The following OSBPL10 variants were observed in gnomAD, a reference collection of about 807,000 sequenced individuals.
OSBPL10 encodes oxysterol-binding protein-related protein 10.
Under a neutral mutation model 81.7 loss-of-function variants are expected in OSBPL10, and 49 were observed. The ratio of observed to expected loss-of-function variants is 0.60; its 90% CI spans 0.48 to 0.76. The LOEUF (loss-of-function observed/expected upper bound fraction) is 0.76. Ranked by LOEUF, OSBPL10 falls within the 30% of genes least tolerant of loss-of-function variation. The pLI is 0.00. For synonymous variants in OSBPL10, 419 were observed against 383.6 expected, an observed-to-expected ratio of 1.09 and a Z score of -1.08; for missense variants, 923 against 987.8, an observed-to-expected ratio of 0.93 and a Z score of 0.88.
intron 1 of OSBPL10, among the ~76,000 whole-genome samples, chr3:31,893,893 T>TA (rs1332995502): frequency 2.0e-5 from 3 of 152,194 alleles, no homozygotes; most frequent in East Asian, 1.9e-4. Context: ...TTTATTTTTT[T>TA]AAAAAAATGT....
chr3:31,737,001 T>C (rs567395718), intron 5 of OSBPL10, among the ~76,000 whole-genome samples: 8 of 152,210 alleles, frequency 5.3e-5, no homozygotes, highest in Non-Finnish European at 1.2e-4. Context: ...CCCTCCCCTC[T>C]ATCCCATCAT....
In OSBPL10 at chr3:31,831,556, C is replaced by T. The variant is rs564216428; in HGVS notation, c.538-1325G>A. On this transcript the variant is annotated intron_variant, in intron 3 of 11. Transcript: ENST00000396556. ...ACTATAAACTAGGAAAAATGTAGAG[C>T]TGGAAATAATTATTAAAATGGGCCA... Among the ~76,000 whole-genome samples the T allele has an allele frequency of 3.1e-4, 47 of 152,054 alleles. 1 individual carries two copies. The highest frequency in any genetic ancestry group is 6.8e-3 in the Middle Eastern group (2 of 294).
chr3:31,821,144 C>T lies in OSBPL10; in HGVS notation c.729+8896G>A, dbSNP rs114456873. Among the ~76,000 whole-genome samples, 427 of 152,140 alleles carry T rather than the reference C, an allele frequency of 2.8e-3. 2 individuals carry two copies. The highest frequency in any genetic ancestry group is 9.6e-3 in the African/African-American group (399 of 41,510). ...ATGCCGTGCTCCCAGCAGGTTGAGA[C>T]CACAACAGAGCATTCTCCTGCCAGG... On this transcript the variant is annotated intron_variant, in intron 4 of 11. Transcript: ENST00000396556.
At chr3:31,996,035 G>C (rs1699087585) in intron 2 of OSBPL10, among the ~76,000 whole-genome samples, 1 of 152,100 alleles carries the variant, frequency 6.6e-6, no homozygotes, top group African/African-American at 2.4e-5. Flanking sequence ...AGACTCCCAG[G>C]GTCACACTGT....
chr3:31,983,428 A>C (rs1158319647), upstream of OSBPL10, among the ~76,000 whole-genome samples: 1 of 152,224 alleles, frequency 6.6e-6, no homozygotes, highest in Non-Finnish European at 1.5e-5. Context: ...CTAGCACAAC[A>C]AATTCTCACC....
chr3:32,019,887 A>G (rs1003050607), intron 2 of OSBPL10, among the ~76,000 whole-genome samples: 1 of 152,210 alleles, frequency 6.6e-6, no homozygotes, highest in Admixed American at 6.5e-5. Context: ...CATATAAAGT[A>G]TAACTATCAA....
At chr3:31,920,050 T>A (rs1003692094) in intron 1 of OSBPL10, among the ~76,000 whole-genome samples, 1 of 152,146 alleles carries the variant, frequency 6.6e-6, no homozygotes, top group Non-Finnish European at 1.5e-5. Flanking sequence ...CCATTGTCAG[T>A]GGGTGCTCAA....
At chr3:31,972,261 C>T (rs773220472) in intron 1 of OSBPL10, among the ~76,000 whole-genome samples, 3 of 152,090 alleles carry the variant, frequency 2.0e-5, no homozygotes, top group Non-Finnish European at 4.4e-5. Flanking sequence ...TGGTGGCGGA[C>T]GCCTGTAATT....
At chr3:32,028,704 T>C (rs115844223) in intron 2 of OSBPL10, among the ~76,000 whole-genome samples, 1,633 of 152,208 alleles carry the variant, frequency 0.011, 41 homozygotes, top group African/African-American at 0.037. Flanking sequence ...TGCTCTCCTG[T>C]TTTATATTTT....
intron 4 of OSBPL10, among the ~76,000 whole-genome samples, chr3:31,819,222 C>A (rs1699923418): frequency 6.6e-6 from 1 of 152,190 alleles, no homozygotes; most frequent in African/African-American, 2.4e-5. Flanking sequence ...CTGGCCTACC[C>A]AGGCTGACAA....
intron 1 of OSBPL10, among the ~76,000 whole-genome samples, chr3:31,934,911 T>C (rs1259441665): frequency 1.3e-5 from 2 of 152,190 alleles, no homozygotes; most frequent in Non-Finnish European, 2.9e-5. Context: ...TCTATTTTTC[T>C]ACTAAAGCAA....
chr3:31,662,914 CAG>C, intron 11 of OSBPL10: 1 of 985,446 alleles, frequency 1.0e-6, no homozygotes, highest in Non-Finnish European at 1.2e-6. Context: ...GGCTCCCACA[CAG>C]GGTCCCCACT....
chr3:31,852,995 G>A (rs889579867), intron 3 of OSBPL10, among the ~76,000 whole-genome samples: 4 of 152,164 alleles, frequency 2.6e-5, no homozygotes, highest in Admixed American at 2.0e-4. Flanking sequence ...CACATAGTAG[G>A]CAGTTTATAA....
At chr3:31,920,475 A>T (rs1201039314) in intron 1 of OSBPL10, among the ~76,000 whole-genome samples, 1 of 152,184 alleles carries the variant, frequency 6.6e-6, no homozygotes, top group African/African-American at 2.4e-5. Context: ...AGTAAAGGCA[A>T]AAGGAACAGC....
intron 1 of OSBPL10, among the ~76,000 whole-genome samples, chr3:31,926,547 A>G (rs1345647147): frequency 6.6e-6 from 1 of 152,170 alleles, no homozygotes; most frequent in Non-Finnish European, 1.5e-5. Context: ...GAGACAGGAA[A>G]TCACAAAAAT....
intron 6 of OSBPL10, chr3:31,714,734 C>G (rs1696378005): frequency 6.6e-6 from 1 of 152,532 alleles, no homozygotes. Context: ...CACCTCCCAT[C>G]TAGAGAGCCA....
intron 5 of OSBPL10, among the ~76,000 whole-genome samples, chr3:31,745,389 A>C (rs1697489737): frequency 6.6e-6 from 1 of 152,242 alleles, no homozygotes; most frequent in African/African-American, 2.4e-5. Flanking sequence ...ATATAAGGAA[A>C]AGGTGAAGCA....
At chr3:32,026,941 C>G (rs1295615354) in intron 2 of OSBPL10, among the ~76,000 whole-genome samples, 2 of 152,196 alleles carry the variant, frequency 1.3e-5, no homozygotes, top group Non-Finnish European at 2.9e-5. Flanking sequence ...TCTGTTCTCA[C>G]TCAGAGAGGA....
At chr3:31,666,320 A>T (rs573174158) in intron 10 of OSBPL10, among the ~76,000 whole-genome samples, 1 of 152,304 alleles carries the variant, frequency 6.6e-6, no homozygotes, top group Admixed American at 6.5e-5. Context: ...AGACCACAGA[A>T]TTATCTTCAT....
Sources: gnomAD v4.1 joint callset for allele counts (sites outside exome capture counted in the v4.1 genomes callset) on GRCh38, gnomAD v4.1.1 for gene constraint, MANE v1.5 for transcripts, NCBI Gene and HGNC (gene_info 2026-07-23, HGNC 2026-07-21) for gene names.